RABGAP1L: variants seen among roughly 807,000 people sequenced by gnomAD.
RABGAP1L encodes RAB GTPase activating protein 1 like.
In RABGAP1L, 63 loss-of-function variants were observed where a neutral mutation model predicts 137.7. The observed-to-expected ratio is 0.46, with a 90% CI of 0.37 to 0.56. The LOEUF is 0.56. Ranked by LOEUF, RABGAP1L falls within the 20% of genes least tolerant of loss-of-function variation. RABGAP1L has a pLI of 0.00. For synonymous variants in RABGAP1L, 431 were observed against 433.7 expected (o/e 0.99, Z 0.08); for missense variants, 1,095 against 1,244.0 (o/e 0.88, Z 1.80).
intron 1 of RABGAP1L, among the ~76,000 whole-genome samples, chr1:174,213,792 G>A (rs756976020): frequency 1.3e-5 from 2 of 152,134 alleles, no homozygotes; most frequent in Non-Finnish European, 2.9e-5. Flanking sequence ...ATTCAACATC[G>A]CTTCGTGATA....
In RABGAP1L at chr1:174,221,170, G is replaced by A. The variant is rs1333064123; in HGVS notation, c.331+6G>A. On this transcript the variant is annotated splice_donor_region_variant and intron_variant, in intron 3 of 25. Transcript: ENST00000681986. Reference sequence around the variant, plus strand: ...TTTGGATCCGTCTAACACAGGTACTGTATTGAATTCTTAGAAACTATTAAA... The same window carrying A: ...TTTGGATCCGTCTAACACAGGTACTATATTGAATTCTTAGAAACTATTAAA... The A allele has an allele frequency of 1.8e-5, 28 of 1,529,326 alleles. No individual in the cohort carries two copies. The highest frequency in any genetic ancestry group is 2.3e-5 in the Non-Finnish European group (26 of 1,136,582). 94.7% of individuals were successfully genotyped at this position (1,529,326 alleles called of 1,614,324 possible).
intron 13 of RABGAP1L, among the ~76,000 whole-genome samples, chr1:174,551,011 T>TATATATATATATATAC: frequency 8.1e-6 from 1 of 123,384 alleles, no homozygotes; most frequent in African/African-American, 3.9e-5. Context: ...TATATATATA[T>TATATATATATATATAC]ATATATATAT....
chr1:174,272,596 T>C (rs1674649083), intron 8 of RABGAP1L, 116 bp downstream of exon 8: 6 of 1,268,556 alleles, frequency 4.7e-6, no homozygotes, highest in Non-Finnish European at 6.1e-6. Context: ...TGCAGCTGTG[T>C]GATAGTAATA....
At chr1:174,772,215 A>G (rs1686168975) in intron 18 of RABGAP1L, among the ~76,000 whole-genome samples, 1 of 151,814 alleles carries the variant, frequency 6.6e-6, no homozygotes, top group African/African-American at 2.4e-5. Flanking sequence ...CAAAAAACAA[A>G]ACAAAAAAAA....
intron 19 of RABGAP1L, among the ~76,000 whole-genome samples, chr1:174,944,274 C>CAAAAA (rs56225773): frequency 3.7e-4 from 19 of 50,812 alleles, no homozygotes; most frequent in Non-Finnish European, 5.2e-4. Context: ...AAGACTGTCT[C>CAAAAA]AAAAAAAAAA....
chr1:174,319,285 T>C (rs1307730973), intron 11 of RABGAP1L, among the ~76,000 whole-genome samples: 1 of 152,130 alleles, frequency 6.6e-6, no homozygotes, highest in African/African-American at 2.4e-5. Flanking sequence ...TAAGTACTTC[T>C]TGTTATTAAT....
At chr1:174,933,590 A>G (rs1664231348) in intron 19 of RABGAP1L, among the ~76,000 whole-genome samples, 1 of 152,140 alleles carries the variant, frequency 6.6e-6, no homozygotes, top group Non-Finnish European at 1.5e-5. Flanking sequence ...ACCCCCTGGG[A>G]ACTTCTTGGA....
intron 18 of RABGAP1L, among the ~76,000 whole-genome samples, chr1:174,752,973 A>G (rs1402138432): frequency 1.3e-5 from 2 of 152,204 alleles, no homozygotes; most frequent in African/African-American, 4.8e-5. Flanking sequence ...GTCAGAGAAG[A>G]CATTCTGATA....
intron 7 of RABGAP1L, among the ~76,000 whole-genome samples, chr1:174,257,487 A>G (rs1174901865): frequency 6.6e-6 from 1 of 152,170 alleles, no homozygotes; most frequent in Non-Finnish European, 1.5e-5. Context: ...CACACATTTA[A>G]ATATATTACA....
At chr1:174,383,192 A>G (rs1686349301) in intron 12 of RABGAP1L, among the ~76,000 whole-genome samples, 1 of 150,902 alleles carries the variant, frequency 6.6e-6, no homozygotes, top group African/African-American at 2.4e-5. Flanking sequence ...GCTCTCTTCA[A>G]AGCTGTCAGA....
At chr1:174,508,677 A>C (rs756004410) in intron 13 of RABGAP1L, among the ~76,000 whole-genome samples, 2 of 152,208 alleles carry the variant, frequency 1.3e-5, no homozygotes, top group Non-Finnish European at 2.9e-5. Flanking sequence ...AATTATTCAT[A>C]GTAATGTATC....
chr1:174,637,796 C>G (rs1674185148), intron 14 of RABGAP1L, among the ~76,000 whole-genome samples: 1 of 152,188 alleles, frequency 6.6e-6, no homozygotes, highest in Non-Finnish European at 1.5e-5. Context: ...ATGACTCTGT[C>G]CTTCTGACAA....
At chr1:174,572,939 T>C (rs1246230642) in intron 13 of RABGAP1L, among the ~76,000 whole-genome samples, 3 of 151,678 alleles carry the variant, frequency 2.0e-5, no homozygotes, top group East Asian at 3.9e-4. Context: ...GGGAGAAATG[T>C]TGGCAGTTAA....
intron 7 of RABGAP1L, among the ~76,000 whole-genome samples, chr1:174,252,861 C>T (rs1329009335): frequency 6.6e-6 from 1 of 152,158 alleles, no homozygotes; most frequent in Non-Finnish European, 1.5e-5. Flanking sequence ...TCCTTATTTA[C>T]ATACAGCATA....
At chr1:174,471,549 G>A (rs1657938403) in intron 13 of RABGAP1L, among the ~76,000 whole-genome samples, 1 of 152,168 alleles carries the variant, frequency 6.6e-6, no homozygotes, top group Non-Finnish European at 1.5e-5. Context: ...CCAAATCGGA[G>A]CTAAATACTG....
rs555967897 is a variant in RABGAP1L, at chr1:174,791,400, G to T, written c.2212-20432G>T. Among the ~76,000 whole-genome samples, 4 of 152,306 alleles carry T rather than the reference G, an allele frequency of 2.6e-5. No homozygotes were observed. In the East Asian group the frequency reaches 7.7e-4, roughly 29 times the overall value. ...AGATTGCAAATTTAATAGGGAATTG[G>T]AGATGGACCATAGGAAGAAGGTAGA... On this transcript the variant is annotated intron_variant, in intron 18 of 25. Transcript: ENST00000681986.
chr1:174,974,147 C>T (rs974689988), intron 21 of RABGAP1L, among the ~76,000 whole-genome samples: 1 of 152,024 alleles, frequency 6.6e-6, no homozygotes, highest in African/African-American at 2.4e-5. Flanking sequence ...TGCCACCATG[C>T]CCGGCTAATT....
At chr1:174,755,819 A>C (rs1684707096) in intron 18 of RABGAP1L, among the ~76,000 whole-genome samples, 1 of 152,214 alleles carries the variant, frequency 6.6e-6, no homozygotes, top group Non-Finnish European at 1.5e-5. Flanking sequence ...CTTTCAAAAA[A>C]TGCTGTTGAA....
At chr1:174,776,761 A>G (rs1000015983) in intron 18 of RABGAP1L, among the ~76,000 whole-genome samples, 7 of 152,190 alleles carry the variant, frequency 4.6e-5, no homozygotes, top group East Asian at 1.9e-4. Flanking sequence ...TCAGAAGGCA[A>G]TACCATTAAT....
Sources: gnomAD v4.1 joint callset for allele counts (sites outside exome capture counted in the v4.1 genomes callset) on GRCh38, gnomAD v4.1.1 for gene constraint, MANE v1.5 for transcripts, NCBI Gene and HGNC (gene_info 2026-07-23, HGNC 2026-07-21) for gene names.